The following MTMR1 variants were observed in gnomAD, a reference collection of about 807,000 sequenced individuals.
MTMR1 encodes phosphatidylinositol-3-phosphate phosphatase MTMR1.
In MTMR1, 17 loss-of-function variants were observed where a neutral mutation model predicts 51.6. The observed-to-expected ratio is 0.33, with a 90% CI of 0.23 to 0.49. The LOEUF is 0.49. Among genes scored for constraint, MTMR1 ranks in the 20% least tolerant of loss-of-function variants. MTMR1 has a pLI of 0.99. For missense variants in MTMR1, 386 were observed against 526.9 expected, an observed-to-expected ratio of 0.73 and a Z score of 2.62; for synonymous variants, 201 against 205.6, an observed-to-expected ratio of 0.98 and a Z score of 0.19.
chrX:150,762,214 G>T (rs1416413386), intron 15 of MTMR1, among the ~76,000 whole-genome samples: 4 of 113,039 alleles, frequency 3.5e-5, no homozygotes, highest in Non-Finnish European at 7.5e-5. Flanking sequence ...ACAGTCTTTA[G>T]GACACTGCTC....
At chrX:150,762,318 T>C (rs2043165393) in intron 15 of MTMR1, among the ~76,000 whole-genome samples, 1 of 112,048 alleles carries the variant, frequency 8.9e-6, no homozygotes, top group Non-Finnish European at 1.9e-5. Flanking sequence ...AGCCTCCCCA[T>C]GGTGCCTTTT....
chrX:150,705,269 A>T (rs1372697180), intron 2 of MTMR1, among the ~76,000 whole-genome samples: 1 of 111,579 alleles, frequency 9.0e-6, no homozygotes. Flanking sequence ...TCAAAGTCCC[A>T]AAGGAGAGAG....
intron 15 of MTMR1, among the ~76,000 whole-genome samples, chrX:150,762,334 C>G (rs186073811): frequency 8.9e-6 from 1 of 111,795 alleles, no homozygotes; most frequent in Non-Finnish European, 1.9e-5. Flanking sequence ...CTTTTCATCC[C>G]GGCTCAGCGG....
chrX:150,708,560 T>C (rs1372576927), intron 2 of MTMR1, among the ~76,000 whole-genome samples: 2 of 111,683 alleles, frequency 1.8e-5, no homozygotes, highest in Non-Finnish European at 3.8e-5. Flanking sequence ...ATGTTTCTTA[T>C]AATAAATTTA....
intron 2 of MTMR1, among the ~76,000 whole-genome samples, chrX:150,703,617 G>A (rs1289266624): frequency 1.8e-5 from 2 of 112,310 alleles, no homozygotes; most frequent in Non-Finnish European, 3.8e-5. Context: ...GAGGGAAGTC[G>A]AAGGCAGAGT....
chrX:150,730,240 A>T (rs1557416932), intron 7 of MTMR1, 30 bp downstream of exon 7: 1 of 1,033,910 alleles, frequency 9.7e-7, no homozygotes, highest in Non-Finnish European at 1.3e-6. Context: ...CCTTTTCTGC[A>T]TGCATTTGTG....
chrX:150,760,931 CAAAAA>C (rs56341623), intron 15 of MTMR1, among the ~76,000 whole-genome samples: 1 of 74,784 alleles, frequency 1.3e-5, no homozygotes, highest in Non-Finnish European at 2.6e-5. Context: ...CATTCCGCCT[CAAAAA>C]AAAAAAAAAA....
intron 6 of MTMR1, among the ~76,000 whole-genome samples, chrX:150,729,220 A>C (rs1009503713): frequency 1.1e-4 from 11 of 101,285 alleles, no homozygotes; most frequent in African/African-American, 4.1e-4. Flanking sequence ...ACACCCACCC[A>C]CACACACACA....
At chrX:150,697,095 G>A (rs1191518413) in intron 1 of MTMR1, among the ~76,000 whole-genome samples, 9 of 112,044 alleles carry the variant, frequency 8.0e-5, no homozygotes, top group Admixed American at 6.6e-4. Flanking sequence ...GCAACTGGTG[G>A]GTGCTGACAG....
At chrX:150,723,379 A>T (rs1306410233) in intron 4 of MTMR1, among the ~76,000 whole-genome samples, 1 of 110,630 alleles carries the variant, frequency 9.0e-6, no homozygotes, top group Non-Finnish European at 1.9e-5. Context: ...CAGTAATGGG[A>T]TGGCTGGGTC....
intron 15 of MTMR1, among the ~76,000 whole-genome samples, chrX:150,759,602 G>T (rs2043025464): frequency 9.1e-6 from 1 of 109,466 alleles, no homozygotes; most frequent in South Asian, 3.7e-4. Flanking sequence ...TCCCACAGGG[G>T]TGCACCCAGG....
At position 150,744,418 on chromosome X, in the gene MTMR1, C is replaced by T; in HGVS notation, c.1531C>T (p.Gln511Ter). The stretch of plus-strand genomic sequence containing the variant: ...TGCTGACCGATCTCCCATATTTCTG[C>T]AGTTTGTTGATTGTGTTTGGCAAAT... ...ADADRSPIFL[Q>*]FVDCVWQMTR... Residue 511 changes from glutamine to a stop codon, truncating the protein, a stop_gained, in exon 13 of 16, where the codon CAG (glutamine) becomes TAG (stop). Coordinates refer to ENST00000445323, the MANE Select transcript of MTMR1 (RefSeq NM_001306144.3). LOFTEE classifies it high-confidence loss of function. 2 of 1,211,107 alleles carry T rather than the reference C, an allele frequency of 1.7e-6. No homozygotes were observed. Among genetic ancestry groups the T allele is most frequent in the South Asian group, 1.8e-5 (1 of 56,907 alleles).
chrX:150,713,536 C>T (rs1449504863), intron 3 of MTMR1, among the ~76,000 whole-genome samples: 4 of 111,495 alleles, frequency 3.6e-5, no homozygotes, highest in East Asian at 2.8e-4. Context: ...TTTGTAAAAA[C>T]GATAATCATT....
At chrX:150,719,809 C>G (rs1569565673) in intron 4 of MTMR1, among the ~76,000 whole-genome samples, 1 of 111,779 alleles carries the variant, frequency 8.9e-6, no homozygotes, top group Non-Finnish European at 1.9e-5. Context: ...TTTGAATGAG[C>G]AGGGAGCGTT....
intron 14 of MTMR1, among the ~76,000 whole-genome samples, chrX:150,751,454 T>C (rs1340466681): frequency 9.0e-6 from 1 of 111,511 alleles, no homozygotes. Context: ...GTTAGGACAG[T>C]ATAGAATTCA....
intron 1 of MTMR1, 149 bp downstream of exon 1, chrX:150,693,825 C>T (rs1183097284): frequency 2.5e-5 from 8 of 321,512 alleles, no homozygotes; most frequent in Non-Finnish European, 2.9e-5. Flanking sequence ...GCCCTCCTCC[C>T]CCCCACCCCC....
At chrX:150,699,617 T>C (rs1603229275) in intron 2 of MTMR1, among the ~76,000 whole-genome samples, 1 of 112,534 alleles carries the variant, frequency 8.9e-6, no homozygotes, top group South Asian at 3.6e-4. Context: ...TCAGGAAATA[T>C]CTTGATGTAC....
At chrX:150,693,099 C>G (rs1228798682), upstream of MTMR1, 3 of 112,518 alleles carry the variant, frequency 2.7e-5, no homozygotes, top group Admixed American at 9.3e-5. Context: ...ACTTGAATGT[C>G]TTCAAACTTC....
At chrX:150,740,284 C>T (rs1241629615) in intron 12 of MTMR1, among the ~76,000 whole-genome samples, 1 of 111,817 alleles carries the variant, frequency 8.9e-6, no homozygotes, top group Non-Finnish European at 1.9e-5. Flanking sequence ...CCCGCCCCCC[C>T]ACAATCTGGT....
Sources: allele counts gnomAD v4.1 joint callset (sites outside exome capture counted in the v4.1 genomes callset), GRCh38; gene constraint gnomAD v4.1.1; transcripts MANE v1.5; gene names NCBI Gene and HGNC (gene_info 2026-07-23, HGNC 2026-07-21).